CRYBG1: variants seen among roughly 807,000 people sequenced by gnomAD.
The protein encoded by CRYBG1 is crystallin beta-gamma domain containing 1, also known as beta/gamma crystallin domain-containing protein 1.
A neutral mutation model predicts 189.2 loss-of-function variants in CRYBG1; 139 were observed. The ratio of observed to expected loss-of-function variants is 0.73; its 90% CI spans 0.64 to 0.85. CRYBG1 has a LOEUF of 0.85. Among genes scored for constraint, CRYBG1 ranks in the 40% least tolerant of loss-of-function variants. The pLI, the probability that CRYBG1 is intolerant of heterozygous loss-of-function variation, is 0.00. For synonymous variants in CRYBG1, 1,023 were observed against 1,017.1 expected (o/e 1.01, Z -0.11); for missense variants, 2,611 against 2,675.8 (o/e 0.98, Z 0.53).
In CRYBG1 at chr6:106,521,366, C is replaced by T. The variant is rs1180825769; in HGVS notation, c.4158C>T (p.Asn1386=). 45 of 1,613,838 alleles carry T rather than the reference C, an allele frequency of 2.8e-5. No individual in the cohort carries two copies. Among genetic ancestry groups the T allele is most frequent in the Non-Finnish European group, 3.6e-5 (43 of 1,179,986 alleles). ...AATCAAACTTGCCAAACTGTGCAAA[C>T]AGTGACACCGACTTCATGGGTCTTT... ...VIKSNLPNCA[N]SDTDFMGLFK... Residue 1386 remains asparagine, a synonymous_variant, in exon 4 of 22, where the codon AAC becomes AAT. Coordinates refer to ENST00000633556, the MANE Select transcript of CRYBG1 (RefSeq NM_001371242.2).
intron 1 of CRYBG1, among the ~76,000 whole-genome samples, chr6:106,404,914 A>G (rs1770793570): frequency 6.6e-6 from 1 of 151,962 alleles, no homozygotes; most frequent in African/African-American, 2.4e-5. Context: ...TCGTGTGCCT[A>G]CACCACCAGG....
intron 1 of CRYBG1, among the ~76,000 whole-genome samples, chr6:106,425,088 C>G (rs963101525): frequency 5.3e-5 from 8 of 152,170 alleles, no homozygotes; most frequent in African/African-American, 1.7e-4. Context: ...ACCTGTCACC[C>G]AGTGGAGAAA....
At chr6:106,372,627 C>T (rs1050840975) in intron 1 of CRYBG1, among the ~76,000 whole-genome samples, 13 of 152,122 alleles carry the variant, frequency 8.5e-5, no homozygotes, top group Non-Finnish European at 1.6e-4. Context: ...GGTTTGAGCA[C>T]GTTCACTGAG....
intron 1 of CRYBG1, among the ~76,000 whole-genome samples, chr6:106,385,711 C>G (rs9386534): frequency 0.12 from 18,166 of 152,176 alleles, 1,196 homozygotes; most frequent in African/African-American, 0.16. Context: ...TCCTCTCTAA[C>G]AATTATGTTT....
At chr6:106,416,931 G>C (rs1034941256) in intron 1 of CRYBG1, among the ~76,000 whole-genome samples, 2 of 135,012 alleles carry the variant, frequency 1.5e-5, no homozygotes, top group Non-Finnish European at 3.2e-5. Context: ...TGATTTCTGT[G>C]TTTCTTGAAT....
rs77922139 is a variant in CRYBG1 at position 106,365,799 on chromosome 6, G to A, written c.173+4718G>A. ...AGAGCCAAATTCAAGCAGTAGATGG[G>A]TCTCATAATCCTGTGAAAATCAGCT... On this transcript the variant is annotated intron_variant, in intron 1 of 21. Transcript: ENST00000633556. Among the ~76,000 whole-genome samples, 21 of 151,902 alleles carry A rather than the reference G, an allele frequency of 1.4e-4. No individual in the cohort carries two copies. In the East Asian group the frequency reaches 1.9e-3, roughly 14 times the overall value.
chr6:106,360,740 T>G lies in CRYBG1; in HGVS notation c.-169T>G. ...GCAGTGCTGCTCGCGCTGCGCTGGG[T>G]GCTGGTTCTGCAACCCGCGGCCGTC... On this transcript the variant is annotated 5_prime_UTR_variant, in exon 1 of 22. Transcript: ENST00000633556. The G allele has an allele frequency of 1.4e-6, 1 of 705,194 alleles. No individual in the cohort carries two copies. The highest frequency in any genetic ancestry group is 2.2e-6 in the Non-Finnish European group (1 of 453,616). 43.7% of individuals were successfully genotyped at this position (705,194 alleles called of 1,614,324 possible). A position where few individuals can be genotyped will look rare whatever the true frequency, so the allele number is the denominator to read the frequency against.
At chr6:106,527,610 A>G in intron 7 of CRYBG1, 140 bp downstream of exon 7, 1 of 878,070 alleles carries the variant, frequency 1.1e-6, no homozygotes, top group Non-Finnish European at 1.7e-6. Flanking sequence ...TATTTTAAGT[A>G]TTTGTACACT....
Position 106,360,877 on chromosome 6 carries a change from C to A in CRYBG1, c.-32C>A. On this transcript the variant is annotated 5_prime_UTR_variant, in exon 1 of 22. Coordinates refer to ENST00000633556, the MANE Select transcript of CRYBG1 (RefSeq NM_001371242.2). ...GCCCGGGCGGCAGAGAGGACCGCGT[C>A]CCGGCAGTCGGAGCGGGAGGAGGAC... The A allele has an allele frequency of 1.3e-6, 2 of 1,509,904 alleles. No individual in the cohort carries two copies. The highest frequency in any genetic ancestry group is 1.4e-5 in the African/African-American group (1 of 71,546). The allele number at this position is 1,509,904 out of a possible 1,614,324, so 93.5% of individuals were successfully genotyped here.
At chr6:106,495,785 A>G (rs1177315725) in intron 2 of CRYBG1, among the ~76,000 whole-genome samples, 1 of 150,498 alleles carries the variant, frequency 6.6e-6, no homozygotes, top group African/African-American at 2.5e-5. Flanking sequence ...TGAGTGTACT[A>G]TAAATAACTT....
At chr6:106,542,664 AT>A (rs1163578812) in intron 10 of CRYBG1, among the ~76,000 whole-genome samples, 1 of 122,632 alleles carries the variant, frequency 8.2e-6, no homozygotes, top group African/African-American at 3.0e-5. Flanking sequence ...ATTTTATTTT[AT>A]TTTGAGACAA....
intron 2 of CRYBG1, among the ~76,000 whole-genome samples, chr6:106,465,569 C>T (rs375903524): frequency 1.9e-4 from 29 of 152,132 alleles, no homozygotes; most frequent in African/African-American, 6.0e-4. Context: ...TTTGACAGAT[C>T]GCTGAATCCG....
intron 1 of CRYBG1, among the ~76,000 whole-genome samples, chr6:106,423,276 G>A (rs1443889903): frequency 3.0e-4 from 16 of 52,864 alleles, no homozygotes; most frequent in African/African-American, 9.8e-4. Flanking sequence ...TTTTTTTTTC[G>A]CTATCAATAA....
chr6:106,506,476 T>G (rs1582802989), intron 2 of CRYBG1, among the ~76,000 whole-genome samples: 1 of 119,116 alleles, frequency 8.4e-6, no homozygotes, highest in African/African-American at 3.1e-5. Flanking sequence ...TTTTTTGAGA[T>G]GGAGTTTCGC....
At chr6:106,364,727 A>G (rs1330639783) in intron 1 of CRYBG1, among the ~76,000 whole-genome samples, 4 of 152,116 alleles carry the variant, frequency 2.6e-5, no homozygotes, top group African/African-American at 7.2e-5. Flanking sequence ...TTTAAATTAT[A>G]CTCTGTCTTG....
At position 106,544,771 on chromosome 6, in the gene CRYBG1, A is replaced by AT. The variant is rs745637868; in HGVS notation, c.5167-9dup. On this transcript the variant is annotated splice_polypyrimidine_tract_variant and intron_variant, in intron 12 of 21. Transcript: ENST00000633556. ...TAAATGGCTAGCCTTTGAATTTTGA[A>AT]TTTTTTTTCTCAATAGGATTTTTCA... is the stretch of plus-strand genomic sequence containing the variant. 7 of 1,601,448 alleles carry AT rather than the reference A, an allele frequency of 4.4e-6. No homozygotes were observed. The highest frequency in any genetic ancestry group is 6.0e-6 in the Non-Finnish European group (7 of 1,176,152).
intron 1 of CRYBG1, among the ~76,000 whole-genome samples, chr6:106,438,891 T>A (rs1046009719): frequency 1.3e-5 from 2 of 152,096 alleles, no homozygotes; most frequent in Non-Finnish European, 2.9e-5. Context: ...ATTGTAACTG[T>A]TAAATTTGGT....
At chr6:106,486,182 C>T (rs995175005) in intron 2 of CRYBG1, among the ~76,000 whole-genome samples, 1 of 152,126 alleles carries the variant, frequency 6.6e-6, no homozygotes, top group Non-Finnish European at 1.5e-5. Flanking sequence ...TCTCAAGAAA[C>T]TTTTAAATTT....
intron 2 of CRYBG1, among the ~76,000 whole-genome samples, chr6:106,483,356 TTGTGTG>T (rs367865745): frequency 0.014 from 1,892 of 132,224 alleles, 54 homozygotes; most frequent in African/African-American, 0.046. Context: ...TAGTATTCCA[TTGTGTG>T]TGTGTGTGTG....
Sources: allele counts gnomAD v4.1 joint callset (sites outside exome capture counted in the v4.1 genomes callset), GRCh38; gene constraint gnomAD v4.1.1; transcripts MANE v1.5; gene names NCBI Gene and HGNC (gene_info 2026-07-23, HGNC 2026-07-21).